MAP2: variants seen among roughly 807,000 people sequenced by gnomAD.
MAP2 encodes microtubule-associated protein 2.
MAP2 carries 14 observed loss-of-function variants against 137.6 expected under a neutral mutation model. That is an observed-to-expected ratio of 0.10 (90% CI 0.07 to 0.16). The LOEUF is 0.16. Ranked by LOEUF, MAP2 falls within the 10% of genes least tolerant of loss-of-function variation. The pLI is 1.00. For missense variants in MAP2, 2,088 were observed against 2,191.5 expected (o/e 0.95, Z 0.94); for synonymous variants, 786 against 782.3 (o/e 1.00, Z -0.08).
chr2:209,446,836 C>A (rs34643755), intron 1 of MAP2, among the ~76,000 whole-genome samples: 20,698 of 151,728 alleles, frequency 0.14, 3,480 homozygotes, highest in African/African-American at 0.4. Flanking sequence ...ACCTTTGGCC[C>A]TCTATTGAGA....
At chr2:209,515,428 G>A (rs62213452) in intron 2 of MAP2, among the ~76,000 whole-genome samples, 1 of 151,902 alleles carries the variant, frequency 6.6e-6, no homozygotes, top group African/African-American at 2.4e-5. Context: ...TGCATGGCTG[G>A]GGAGGCCCCA....
intron 2 of MAP2, among the ~76,000 whole-genome samples, chr2:209,523,217 A>G (rs775461342): frequency 1.3e-5 from 2 of 152,016 alleles, no homozygotes; most frequent in Non-Finnish European, 2.9e-5. Context: ...CCCGAATGCA[A>G]TCTCTCATGG....
chr2:209,631,005 CAAAAAAAAAAAAAAA>C (rs776266690), intron 4 of MAP2, among the ~76,000 whole-genome samples: 2 of 42,118 alleles, frequency 4.7e-5, no homozygotes, highest in East Asian at 1.1e-3. Context: ...GAGCTACAAG[CAAAAAAAAAAAAAAA>C]AAAAAAAAAA....
intron 1 of MAP2, among the ~76,000 whole-genome samples, chr2:209,501,829 A>G (rs1559244602): frequency 6.6e-6 from 1 of 152,136 alleles, no homozygotes; most frequent in Non-Finnish European, 1.5e-5. Flanking sequence ...TTTACAAAGC[A>G]TCCGCTCCTG....
intron 3 of MAP2, among the ~76,000 whole-genome samples, chr2:209,597,752 G>A (rs369737604): frequency 1.1e-4 from 17 of 151,452 alleles, no homozygotes; most frequent in East Asian, 1.9e-4. Flanking sequence ...TTTTGTTTTC[G>A]TTTTTTGGCC....
chr2:209,513,861 C>T, intron 2 of MAP2, among the ~76,000 whole-genome samples: 1 of 152,048 alleles, frequency 6.6e-6, no homozygotes, highest in East Asian at 1.9e-4. Context: ...ACTTCAACCC[C>T]CTCCCCACCT....
chr2:209,652,340 G>A (rs2094859598), intron 4 of MAP2, among the ~76,000 whole-genome samples: 1 of 152,120 alleles, frequency 6.6e-6, no homozygotes, highest in Non-Finnish European at 1.5e-5. Context: ...CATAAGATAG[G>A]ATGTAGGCCT....
intron 1 of MAP2, among the ~76,000 whole-genome samples, chr2:209,464,825 G>T (rs1301833546): frequency 6.6e-6 from 1 of 151,974 alleles, no homozygotes; most frequent in Non-Finnish European, 1.5e-5. Context: ...CCCCAAAACT[G>T]AAATCATCTT....
intron 5 of MAP2, among the ~76,000 whole-genome samples, chr2:209,678,056 T>C (rs943094188): frequency 2.6e-5 from 4 of 152,072 alleles, no homozygotes; most frequent in African/African-American, 9.6e-5. Flanking sequence ...ATAAGGAAAC[T>C]ATAAAACAAA....
intron 1 of MAP2, among the ~76,000 whole-genome samples, chr2:209,432,732 A>G (rs1193432380): frequency 6.6e-6 from 1 of 152,112 alleles, no homozygotes; most frequent in African/African-American, 2.4e-5. Flanking sequence ...TAATTTCCAT[A>G]TACATTGATG....
chr2:209,477,012 C>T (rs946095437), intron 1 of MAP2, among the ~76,000 whole-genome samples: 1 of 152,080 alleles, frequency 6.6e-6, no homozygotes, highest in Non-Finnish European at 1.5e-5. Flanking sequence ...TGTTGGCACC[C>T]ATGACGAAGA....
At chr2:209,449,747 TTGTC>T (rs1336276507) in intron 1 of MAP2, among the ~76,000 whole-genome samples, 4 of 152,140 alleles carry the variant, frequency 2.6e-5, no homozygotes, top group African/African-American at 7.2e-5. Flanking sequence ...TCCAGTTTCT[TTGTC>T]TGACTTCTCA....
At chr2:209,443,330 A>G (rs955750356) in intron 1 of MAP2, among the ~76,000 whole-genome samples, 4 of 151,070 alleles carry the variant, frequency 2.6e-5, no homozygotes, top group Admixed American at 6.6e-5. Flanking sequence ...CATCATATTC[A>G]TTTTTGTAAA....
chr2:209,727,681 A>G (rs924684822), intron 14 of MAP2, among the ~76,000 whole-genome samples: 11 of 152,242 alleles, frequency 7.2e-5, no homozygotes, highest in African/African-American at 2.7e-4. Context: ...CTGGAGGCAC[A>G]CACTGAAATA....
intron 13 of MAP2, chr2:209,723,618 C>G: frequency 6.2e-7 from 1 of 1,613,002 alleles, no homozygotes; most frequent in Non-Finnish European, 8.5e-7. Context: ...ACAAGAAGAT[C>G]GATTTTAGCA....
In MAP2 at chr2:209,602,546, G is replaced by A. The variant is rs1050881964; in HGVS notation, c.-107+22446G>A. 1.9e-4 allele frequency among the ~76,000 whole-genome samples: 29 copies of A among 152,146 alleles called. 1 individual carries two copies. The highest frequency in any genetic ancestry group is 1.6e-3 in the Admixed American group (25 of 15,264). The stretch of plus-strand genomic sequence containing the variant: ...GAACAGCTGGTGTAAATAGGAACAC[G>A]AATACAGAAATATATTCTAAGTTTC... On this transcript the variant is annotated intron_variant, in intron 3 of 15. Coordinates refer to ENST00000682079, the MANE Select transcript of MAP2 (RefSeq NM_001375505.1).
At chr2:209,466,842 A>G (rs1332838682) in intron 1 of MAP2, among the ~76,000 whole-genome samples, 1 of 152,220 alleles carries the variant, frequency 6.6e-6, no homozygotes, top group African/African-American at 2.4e-5. Flanking sequence ...TTCAAAATAA[A>G]AGAGCTACCT....
intron 2 of MAP2, among the ~76,000 whole-genome samples, chr2:209,550,213 A>G (rs1559308435): frequency 6.6e-6 from 1 of 152,166 alleles, no homozygotes; most frequent in Non-Finnish European, 1.5e-5. Context: ...TAAAAACAAC[A>G]TCCTGGCCTC....
At chr2:209,709,021 C>T (rs1254101697) in intron 12 of MAP2, among the ~76,000 whole-genome samples, 1 of 152,012 alleles carries the variant, frequency 6.6e-6, no homozygotes. Flanking sequence ...AAATGTCATT[C>T]AAAGCACATT....
Sources: allele counts gnomAD v4.1 joint callset (sites outside exome capture counted in the v4.1 genomes callset), GRCh38; gene constraint gnomAD v4.1.1; transcripts MANE v1.5; gene names NCBI Gene and HGNC (gene_info 2026-07-23, HGNC 2026-07-21).